The following TRIM7 variants were observed in gnomAD, a reference collection of about 807,000 sequenced individuals.
The protein encoded by TRIM7 is tripartite motif containing 7.
TRIM7 carries 32 observed loss-of-function variants against 37.9 expected under a neutral mutation model. The ratio of observed to expected loss-of-function variants is 0.84; its 90% CI spans 0.64 to 1.13. The LOEUF is 1.13. Among genes scored for constraint, TRIM7 ranks in the 50% most tolerant of loss-of-function variants. The pLI, the probability that TRIM7 is intolerant of heterozygous loss-of-function variation, is 0.00. For synonymous variants in TRIM7, 351 were observed against 321.3 expected (o/e 1.09, Z -0.99); for missense variants, 732 against 714.0 (o/e 1.03, Z -0.29).
In TRIM7 at chr5:181,204,583, G is replaced by A. The variant is rs1229893325; in HGVS notation, c.522+6C>T. ...GACCCACGGGGTGGGTGGGGGCTGC[G>A]CTCACCTTGGCCTCCTGCACCGCCT... On this transcript the variant is annotated splice_donor_region_variant and intron_variant, in intron 1 of 6. Transcript: ENST00000274773. 39 of 1,395,582 alleles carry A rather than the reference G, an allele frequency of 2.8e-5. No individual in the cohort carries two copies. In the Admixed American group the frequency reaches 1.1e-3, roughly 40 times the overall value. 86.4% of individuals were successfully genotyped at this position (1,395,582 alleles called of 1,614,324 possible).
chr5:181,194,165 C>G lies in TRIM7; in HGVS notation c.*1001G>C, dbSNP rs1318889060. The G allele has an allele frequency of 6.6e-6, 1 of 152,274 alleles. No homozygotes were observed. Among genetic ancestry groups the G allele is most frequent in the Non-Finnish European group, 1.5e-5 (1 of 68,066 alleles). The allele number at this position is 152,274 out of a possible 1,614,324, so 9.4% of individuals were successfully genotyped here. On this transcript the variant is annotated 3_prime_UTR_variant, in exon 7 of 7. Coordinates refer to ENST00000274773, the MANE Select transcript of TRIM7 (RefSeq NM_203293.3). ...AGTCCGTCAGGAGCATATTTGTGCT[C>G]TGTGTGTTGTTTAGAGCTGGCTGCA...
Position 181,194,939 on chromosome 5 carries a change from A to T in TRIM7, c.*227T>A, listed in dbSNP as rs1756999997. The T allele has an allele frequency of 5.9e-6, 3 of 511,530 alleles. No individual in the cohort carries two copies. The highest frequency in any genetic ancestry group is 1.0e-5 in the Non-Finnish European group (3 of 295,802). 31.7% of individuals were successfully genotyped at this position (511,530 alleles called of 1,614,324 possible). ...CCTCCTGAAGGCTCTGGCCAAATCC[A>T]CATGTGACCTCAGGAAGGGAACACC... On this transcript the variant is annotated 3_prime_UTR_variant, in exon 7 of 7. Coordinates refer to ENST00000274773, the MANE Select transcript of TRIM7 (RefSeq NM_203293.3).
At position 181,195,633 on chromosome 5, in the gene TRIM7, G is replaced by T. The variant is rs138823350; in HGVS notation, c.1069C>A (p.Leu357Ile). The T allele has an allele frequency of 3.2e-6, 5 of 1,548,816 alleles. No individual in the cohort carries two copies. The highest frequency in any genetic ancestry group is 1.4e-5 in the African/African-American group (1 of 72,862). ...CGCACGCCCTTAAGATCCAGAGAGA[G>T]GATGAGGCGCGGGTTGGCCGTGTCG... ...DPDTANPRLI[L>I]SLDLKGVRLG... The change falls in exon 7 of 7, where the codon CTC becomes ATC. Residue 357 changes from leucine (L) to isoleucine (I), a missense_variant. Physicochemically the swap from Leu to Ile is conservative, Grantham distance 5. Coordinates refer to ENST00000274773, the MANE Select transcript of TRIM7 (RefSeq NM_203293.3).
Position 181,198,201 on chromosome 5 carries a change from G to C in TRIM7, c.1006C>G (p.Leu336Val), listed in dbSNP as rs1356390909. 1.2e-6 allele frequency: 2 copies of C among 1,613,980 alleles called. No homozygotes were observed. The highest frequency in any genetic ancestry group is 2.7e-5 in the African/African-American group (2 of 74,900). The change falls in exon 6 of 7, where the codon CTG (leucine) becomes GTG (valine). Residue 336 changes from leucine to valine, a missense_variant. Transcript: ENST00000274773. Reference protein sequence around the residue: ...KKFKEDLRGELEKEEKVELTL... With the variant: ...KKFKEDLRGEVEKEEKVELTL... ...TCCCTACCTTTCTCCTCTTTCTCCAGCTCTCCCCGAAGGTCCTCTGAGGAG... is the reference window on the plus strand; with the variant it reads ...TCCCTACCTTTCTCCTCTTTCTCCACCTCTCCCCGAAGGTCCTCTGAGGAG...
At chr5:181,200,258 C>G (rs879029557) in intron 2 of TRIM7, 177 bp from the exon 3 acceptor site, 1 of 1,478,578 alleles carries the variant, frequency 6.8e-7, no homozygotes, top group Middle Eastern at 2.4e-4. Context: ...TCTGAACAAG[C>G]TGTAGTCTGG....
chr5:181,199,791 A>T (rs1757360873), intron 3 of TRIM7, 60 bp downstream of exon 3: 2 of 1,532,150 alleles, frequency 1.3e-6, no homozygotes, highest in East Asian at 4.7e-5. Flanking sequence ...ACTGTTCTCT[A>T]GCTGCTGGTC....
chr5:181,200,288 C>G, intron 2 of TRIM7: 2 of 1,442,740 alleles, frequency 1.4e-6, no homozygotes, highest in South Asian at 3.0e-5. Context: ...CTTTTCTCCC[C>G]TGCCACAGAT....
rs548896295 is a variant in TRIM7 at position 181,203,473 on chromosome 5, A to T, written c.618+72T>A. 46 of 1,599,974 alleles carry T rather than the reference A, an allele frequency of 2.9e-5. No individual in the cohort carries two copies. The South Asian group carries it at 5.1e-4, about 18-fold the overall frequency. ...CATAGCACACACTCCAACACCACAC[A>T]CACCGAGCCCTGGTGCTGAGTTCTC... On this transcript the variant is annotated intron_variant, in intron 2 of 6. Coordinates refer to ENST00000274773, the MANE Select transcript of TRIM7 (RefSeq NM_203293.3).
intron 1 of TRIM7, chr5:181,204,294 C>G (rs904033280): frequency 8.9e-7 from 1 of 1,126,448 alleles, no homozygotes; most frequent in Non-Finnish European, 1.1e-6. Flanking sequence ...CTAGAGGCTC[C>G]GAACAGACAG....
rs949389256 is a variant in TRIM7, at chr5:181,199,731, T to C, written c.849+120A>G. ...GGAAAATCAGGGCACTTCTCTCCAG[T>C]CCCCTTCAGCTCCAGATCATGTGAT... On this transcript the variant is annotated intron_variant, in intron 3 of 6. Transcript: ENST00000274773. 73 of 1,437,404 alleles carry C rather than the reference T, an allele frequency of 5.1e-5. 1 individual carries two copies. In the South Asian group the frequency reaches 1.0e-3, roughly 20 times the overall value. 89.0% of individuals were successfully genotyped at this position (1,437,404 alleles called of 1,614,324 possible).
chr5:181,195,366 T>G lies in TRIM7; in HGVS notation c.1336A>C (p.Thr446Pro), dbSNP rs757616559. 1 of 1,579,756 alleles carries G rather than the reference T, an allele frequency of 6.3e-7. No homozygotes were observed. Among genetic ancestry groups the G allele is most frequent in the African/African-American group, 1.3e-5 (1 of 74,080 alleles). The change falls in exon 7 of 7, where the codon ACC becomes CCC. Residue 446 changes from threonine (T) to proline (P), a missense_variant. Coordinates refer to ENST00000274773, the MANE Select transcript of TRIM7 (RefSeq NM_203293.3). The part of the protein sequence containing the change: ...QLNGGQYWAV[T>P]SPERSPLSCG... ...CTGAGGGGCGACCGCTCGGGGCTGGTCACGGCCCAGTACTGGCCGCCGTTG... is the reference window on the plus strand; with the variant it reads ...CTGAGGGGCGACCGCTCGGGGCTGGGCACGGCCCAGTACTGGCCGCCGTTG...
chr5:181,202,117 G>T (rs1757522227), intron 2 of TRIM7: 1 of 152,036 alleles, frequency 6.6e-6, no homozygotes, highest in Admixed American at 6.5e-5. Flanking sequence ...GGATGGGAGG[G>T]TCCTCTAGTT....
At chr5:181,201,265 C>T (rs1185026131) in intron 2 of TRIM7, among the ~76,000 whole-genome samples, 2 of 152,190 alleles carry the variant, frequency 1.3e-5, no homozygotes, top group African/African-American at 4.8e-5. Context: ...CATCCCTATC[C>T]CATTGTTGAC....
In TRIM7 at chr5:181,195,090, C is replaced by T. The variant is rs1166143037; in HGVS notation, c.*76G>A. The stretch of plus-strand genomic sequence containing the variant: ...AGGAGCACGGAGGGCAGACCCAAGA[C>T]GGACCAGGCATCTCTGGGGAGGCGA... On this transcript the variant is annotated 3_prime_UTR_variant, in exon 7 of 7. Coordinates refer to ENST00000274773, the MANE Select transcript of TRIM7 (RefSeq NM_203293.3). 31 of 1,518,006 alleles carry T rather than the reference C, an allele frequency of 2.0e-5. No homozygotes were observed. In the Admixed American group the frequency reaches 3.0e-4, roughly 15 times the overall value. 94.0% of individuals were successfully genotyped at this position (1,518,006 alleles called of 1,614,324 possible). A position where few individuals can be genotyped will look rare whatever the true frequency, so the allele number is the denominator to read the frequency against.
chr5:181,194,936 T>C lies in TRIM7; in HGVS notation c.*230A>G. 3.9e-6 allele frequency: 2 copies of C among 506,444 alleles called. No homozygotes were observed. The highest frequency in any genetic ancestry group is 6.7e-5 in the South Asian group (2 of 29,724). 31.4% of individuals were successfully genotyped at this position (506,444 alleles called of 1,614,324 possible). On this transcript the variant is annotated 3_prime_UTR_variant, in exon 7 of 7. Coordinates refer to ENST00000274773, the MANE Select transcript of TRIM7 (RefSeq NM_203293.3). ...CCACCTCCTGAAGGCTCTGGCCAAA[T>C]CCACATGTGACCTCAGGAAGGGAAC... is the stretch of plus-strand genomic sequence containing the variant.
rs1276766966 is a variant in TRIM7 at position 181,204,631 on chromosome 5, C to T, written c.480G>A (p.Glu160=). 6 of 1,479,374 alleles carry T rather than the reference C, an allele frequency of 4.1e-6. No homozygotes were observed. The highest frequency in any genetic ancestry group is 1.3e-5 in the South Asian group (1 of 74,822). 91.6% of individuals were successfully genotyped at this position (1,479,374 alleles called of 1,614,324 possible). A position where few individuals can be genotyped will look rare whatever the true frequency, so the allele number is the denominator to read the frequency against. Residue 160 remains glutamate (E), a synonymous_variant, in exon 1 of 7, where the codon GAG becomes GAA. Transcript: ENST00000274773. ...CCTCGTCCAGCGGCAGCACGGCGTGCTCGCGGTGCTCGCGGGCGCGGTCGC... is the reference window on the plus strand; with the variant it reads ...CCTCGTCCAGCGGCAGCACGGCGTGTTCGCGGTGCTCGCGGGCGCGGTCGC... ...VVCDRAREHR[E]HAVLPLDEAV...
In TRIM7 at chr5:181,199,110, T is replaced by C. The variant is rs551698732; in HGVS notation, c.857A>G (p.Lys286Arg). 6.2e-7 allele frequency: 1 copy of C among 1,614,210 alleles called. No homozygotes were observed. The highest frequency in any genetic ancestry group is 1.3e-5 in the African/African-American group (1 of 75,052). ...GGTCACTCACCTGCTCAGCGTGCTT[T>C]TGAATTCCTGGAAGGAAAGATAGAG... ...KPDLDFLQEFKSTLSRCSNVP... is the reference protein window; with the variant it reads ...KPDLDFLQEFRSTLSRCSNVP... The change falls in exon 4 of 7, where the codon AAA becomes AGA. Residue 286 changes from lysine to arginine, a missense_variant. Transcript: ENST00000274773.
Position 181,195,586 on chromosome 5 carries a change from G to A in TRIM7, c.1116C>T (p.Asp372=). ...KGVRLGERAQ[D]LPNHPCRFDT... ...CGAAGCGGCAGGGGTGGTTGGGCAG[G>A]TCCTGGGCCCGCTCGCCGAGGCGCA... Residue 372 remains aspartate (D), a synonymous_variant, in exon 7 of 7, where the codon GAC becomes GAT. Coordinates refer to ENST00000274773, the MANE Select transcript of TRIM7 (RefSeq NM_203293.3). 1 of 1,598,742 alleles carries A rather than the reference G, an allele frequency of 6.3e-7. No homozygotes were observed. Among genetic ancestry groups the A allele is most frequent in the South Asian group, 1.1e-5 (1 of 90,278 alleles).
In TRIM7 at chr5:181,198,160, C is replaced by T. The variant is rs776413417; in HGVS notation, c.1024+23G>A. 118 of 1,613,684 alleles carry T rather than the reference C, an allele frequency of 7.3e-5. No individual in the cohort carries two copies. In the East Asian group the frequency reaches 1.6e-3, roughly 22 times the overall value. ...CTCTGTGTGGCAGACAGTCCATACT[C>T]GCCATCACAGCACCATCCCTACCTT... On this transcript the variant is annotated intron_variant, in intron 6 of 6. Transcript: ENST00000274773.
Sources: allele counts gnomAD v4.1 joint callset (sites outside exome capture counted in the v4.1 genomes callset), GRCh38; gene constraint gnomAD v4.1.1; transcripts MANE v1.5; gene names NCBI Gene and HGNC (gene_info 2026-07-23, HGNC 2026-07-21).